The following CTNNA3 variants were observed in gnomAD, a reference collection of about 807,000 sequenced individuals.
CTNNA3 encodes the protein catenin alpha 3.
CTNNA3 carries 76 observed loss-of-function variants against 95.7 expected under a neutral mutation model. The observed-to-expected ratio is 0.79, with a 90% CI of 0.66 to 0.96. The LOEUF (loss-of-function observed/expected upper bound fraction) is 0.96. Ranked by LOEUF, CTNNA3 falls within the 40% of genes least tolerant of loss-of-function variation. The pLI is 0.00. For synonymous variants in CTNNA3, 431 were observed against 374.4 expected (o/e 1.15, Z -1.74); for missense variants, 1,191 against 1,089.8 (o/e 1.09, Z -1.31).
chr10:67,755,940 A>T (rs538010354), intron 1 of CTNNA3, among the ~76,000 whole-genome samples: 1 of 152,228 alleles, frequency 6.6e-6, no homozygotes, highest in Non-Finnish European at 1.5e-5. Context: ...CATCAATGGA[A>T]GAATGGATAA....
At chr10:65,964,722 T>C (rs2077921127) in intron 17 of CTNNA3, among the ~76,000 whole-genome samples, 1 of 152,110 alleles carries the variant, frequency 6.6e-6, no homozygotes, top group Non-Finnish European at 1.5e-5. Context: ...TGTGTGAAAA[T>C]GACAAAAGTA....
intron 7 of CTNNA3, among the ~76,000 whole-genome samples, chr10:66,975,634 G>GTACAAGCACTTGGCTTGGCTTAGCAC (rs1849988751): frequency 6.6e-6 from 1 of 152,158 alleles, no homozygotes; most frequent in East Asian, 1.9e-4. Context: ...AGTGGTTTGT[G>GTACAAGCACTTGGCTTGGCTTAGCAC]TATAACTTTT....
intron 10 of CTNNA3, among the ~76,000 whole-genome samples, 167 bp from the exon 11 acceptor site, chr10:66,520,940 AAAAT>A (rs1841045123): frequency 6.6e-6 from 1 of 151,222 alleles, no homozygotes; most frequent in South Asian, 2.1e-4. Context: ...TTAAAACAAT[AAAAT>A]AAAATTAATT....
intron 5 of CTNNA3, among the ~76,000 whole-genome samples, chr10:67,443,215 T>C (rs1429070469): frequency 6.6e-6 from 1 of 151,284 alleles, no homozygotes; most frequent in African/African-American, 2.4e-5. Flanking sequence ...TTTGGGTTGG[T>C]TCCAAGTCTT....
At chr10:67,703,318 A>T in intron 1 of CTNNA3, among the ~76,000 whole-genome samples, 1 of 147,840 alleles carries the variant, frequency 6.8e-6, no homozygotes, top group Non-Finnish European at 1.5e-5. Context: ...GCAGAGACAC[A>T]ACCAAAAAGA....
At chr10:67,255,088 G>T (rs1006259168) in intron 5 of CTNNA3, among the ~76,000 whole-genome samples, 3 of 152,132 alleles carry the variant, frequency 2.0e-5, no homozygotes, top group Admixed American at 2.0e-4. Context: ...CTGAGATCAG[G>T]AGTTCAAGAC....
At chr10:67,550,592 A>T (rs1256971536) in intron 3 of CTNNA3, among the ~76,000 whole-genome samples, 1 of 151,668 alleles carries the variant, frequency 6.6e-6, no homozygotes, top group Non-Finnish European at 1.5e-5. Flanking sequence ...TTCTTTTTTT[A>T]AAGAATAAAT....
chr10:66,557,846 T>A (rs1842438085), intron 10 of CTNNA3, among the ~76,000 whole-genome samples: 1 of 152,168 alleles, frequency 6.6e-6, no homozygotes, highest in African/African-American at 2.4e-5. Flanking sequence ...AAATATTTTT[T>A]ACATCACTTT....
At chr10:65,923,883 A>G (rs2077126192) in intron 17 of CTNNA3, among the ~76,000 whole-genome samples, 1 of 152,152 alleles carries the variant, frequency 6.6e-6, no homozygotes. Flanking sequence ...TTGTCCTGTC[A>G]AAAAGCATCT....
At chr10:66,573,414 T>C (rs1046147732) in intron 10 of CTNNA3, among the ~76,000 whole-genome samples, 3 of 152,164 alleles carry the variant, frequency 2.0e-5, no homozygotes, top group Non-Finnish European at 4.4e-5. Context: ...TCTCCTCCCA[T>C]TAATGAGAAA....
rs561879633 is a variant in CTNNA3, at chr10:66,623,952, G to GT, written c.1282-2169dup. Among the ~76,000 whole-genome samples the GT allele has an allele frequency of 2.0e-4, 30 of 152,238 alleles. 1 individual carries two copies. In the South Asian group the frequency reaches 5.6e-3, roughly 28 times the overall value. On this transcript the variant is annotated intron_variant, in intron 9 of 17. Coordinates refer to ENST00000433211, the MANE Select transcript of CTNNA3 (RefSeq NM_013266.4). The stretch of plus-strand genomic sequence containing the variant: ...TCTGCATGGCTCTTTAGTCAAGTAT[G>GT]TTCCCAAGAACAGTAGAAATGTAAT...
chr10:67,548,670 A>C (rs1033582155), intron 3 of CTNNA3, among the ~76,000 whole-genome samples: 1 of 152,198 alleles, frequency 6.6e-6, no homozygotes, highest in African/African-American at 2.4e-5. Flanking sequence ...AAAAGAAAAC[A>C]GGAATACAAC....
chr10:67,167,208 G>C (rs2132104281), intron 7 of CTNNA3, among the ~76,000 whole-genome samples: 1 of 152,328 alleles, frequency 6.6e-6, no homozygotes, highest in Non-Finnish European at 1.5e-5. Flanking sequence ...TCTCTGAGCA[G>C]CTGCAGTCAA....
intron 13 of CTNNA3, among the ~76,000 whole-genome samples, chr10:66,261,973 T>C (rs2091016171): frequency 1.3e-5 from 2 of 151,954 alleles, no homozygotes; most frequent in Admixed American, 1.3e-4. Context: ...TTCCTTCCCA[T>C]CTTCTCCTTC....
intron 9 of CTNNA3, among the ~76,000 whole-genome samples, chr10:66,699,064 C>A (rs1847857751): frequency 6.6e-6 from 1 of 152,176 alleles, no homozygotes; most frequent in African/African-American, 2.4e-5. Context: ...CACAGATACA[C>A]ATAAACAATC....
At chr10:66,789,866 C>T (rs566644994) in intron 7 of CTNNA3, among the ~76,000 whole-genome samples, 1 of 152,238 alleles carries the variant, frequency 6.6e-6, no homozygotes, top group East Asian at 1.9e-4. Flanking sequence ...AAGATAGGAT[C>T]TATTTGAGTA....
intron 12 of CTNNA3, among the ~76,000 whole-genome samples, chr10:66,360,355 A>G (rs76413968): frequency 0.019 from 2,850 of 152,188 alleles, 100 homozygotes; most frequent in African/African-American, 0.066. Flanking sequence ...GTATATCTTC[A>G]TTGTAGGAAA....
intron 11 of CTNNA3, among the ~76,000 whole-genome samples, chr10:66,491,592 C>T (rs761775343): frequency 6.6e-6 from 1 of 151,870 alleles, no homozygotes. Flanking sequence ...ATATGAAGTC[C>T]TTTTTATTTC....
At chr10:66,601,117 A>G (rs1257411740) in intron 10 of CTNNA3, among the ~76,000 whole-genome samples, 3 of 151,846 alleles carry the variant, frequency 2.0e-5, no homozygotes, top group Non-Finnish European at 4.4e-5. Context: ...TAGCTCTAGG[A>G]AAGTACCTGC....
Sources: allele counts gnomAD v4.1 joint callset (sites outside exome capture counted in the v4.1 genomes callset), GRCh38; gene constraint gnomAD v4.1.1; transcripts MANE v1.5; gene names NCBI Gene and HGNC (gene_info 2026-07-23, HGNC 2026-07-21).